The following ABTB1 variants were observed in gnomAD, a reference collection of about 807,000 sequenced individuals.
ABTB1 encodes ankyrin repeat and BTB domain containing 1.
In ABTB1, 45 loss-of-function variants were observed where a neutral mutation model predicts 57.1. The observed-to-expected ratio is 0.79, with a 90% CI of 0.62 to 1.01. The LOEUF (loss-of-function observed/expected upper bound fraction) is 1.01, where lower values mean the gene tolerates loss of function less well. Ranked by LOEUF, ABTB1 falls within the 50% of genes least tolerant of loss-of-function variation. The pLI is 0.00. For synonymous variants in ABTB1, 302 were observed against 275.4 expected (o/e 1.10, Z -0.95); for missense variants, 630 against 666.3 (o/e 0.95, Z 0.60).
At chr3:127,673,791 A>T (rs1426350485) in intron 1 of ABTB1, among the ~76,000 whole-genome samples, 1 of 152,174 alleles carries the variant, frequency 6.6e-6, no homozygotes, top group Non-Finnish European at 1.5e-5. Context: ...CGTGCCACTC[A>T]AGAGTTAGTG....
chr3:127,677,717 G>T lies in ABTB1; in HGVS notation c.903G>T (p.Leu301=), dbSNP rs747571100. The change falls in exon 10 of 12, where the codon CTG becomes CTT. Residue 301 remains leucine (L), a synonymous_variant. Coordinates refer to ENST00000232744, the MANE Select transcript of ABTB1 (RefSeq NM_172027.3). ...GCAGTGACTACTTCCGAGCCCTGCTGGATGACCACTTCCGAGAGAGCGAGG... is the reference window on the plus strand; with the variant it reads ...GCAGTGACTACTTCCGAGCCCTGCTTGATGACCACTTCCGAGAGAGCGAGG... ...CGRSDYFRAL[L]DDHFRESEEP... 3.1e-6 allele frequency: 5 copies of T among 1,609,552 alleles called. No individual in the cohort carries two copies. Among genetic ancestry groups the T allele is most frequent in the Admixed American group, 1.7e-5 (1 of 59,278 alleles).
intron 1 of ABTB1, 151 bp from the exon 2 acceptor site, chr3:127,674,240 T>TC: frequency 7.2e-6 from 7 of 972,096 alleles, no homozygotes; most frequent in African/African-American, 1.6e-5. Flanking sequence ...CTTGAGTGCC[T>TC]CTCCTGCTCT....
At position 127,675,605 on chromosome 3, in the gene ABTB1, C is replaced by G. The variant is rs1209465002; in HGVS notation, c.176-365C>G. The G allele has an allele frequency of 2.4e-5, 6 of 253,886 alleles. No homozygotes were observed. The East Asian group carries it at 4.3e-4, about 18-fold the overall frequency. The allele number at this position is 253,886 out of a possible 1,614,324, so 15.7% of individuals were successfully genotyped here. On this transcript the variant is annotated intron_variant, in intron 3 of 11. Transcript: ENST00000232744. ...TGTTTTTCTTAATAGTCCCTGCCAT[C>G]GTTAGGTAGTGGGTTGATTGTCCTG...
intron 3 of ABTB1, among the ~76,000 whole-genome samples, chr3:127,675,164 T>TC (rs1393256806): frequency 1.3e-5 from 2 of 151,864 alleles, no homozygotes; most frequent in African/African-American, 4.8e-5. Flanking sequence ...CATGGCCCAC[T>TC]CCCCCTTCAT....
chr3:127,675,673 C>G (rs1018755768), intron 3 of ABTB1: 2 of 460,732 alleles, frequency 4.3e-6, no homozygotes, highest in African/African-American at 1.9e-5. Context: ...ACCTGTGTCT[C>G]GTTCACTGCT....
At position 127,676,136 on chromosome 3, in the gene ABTB1, G is replaced by C; in HGVS notation, c.320+22G>C. The C allele has an allele frequency of 6.2e-7, 1 of 1,611,606 alleles. No individual in the cohort carries two copies. The highest frequency in any genetic ancestry group is 8.5e-7 in the Non-Finnish European group (1 of 1,178,748). ...AGCGGTGAGCCAGGGCACACGAGGGGTGCAGCATGGGGTGCGGTGGCCCTG... is the reference window on the plus strand; with the variant it reads ...AGCGGTGAGCCAGGGCACACGAGGGCTGCAGCATGGGGTGCGGTGGCCCTG... On this transcript the variant is annotated intron_variant, in intron 4 of 11. Coordinates refer to ENST00000232744, the MANE Select transcript of ABTB1 (RefSeq NM_172027.3). This position sits in a 1 kb window ranked among gnomAD's most constrained non-coding sequence, Gnocchi z 5.4.
rs2074999029 is a variant in ABTB1 at position 127,677,030 on chromosome 3, T to C, written c.590T>C (p.Leu197Pro). 6.2e-7 allele frequency: 1 copy of C among 1,613,990 alleles called. No homozygotes were observed. The highest frequency in any genetic ancestry group is 1.7e-5 in the Admixed American group (1 of 59,998). ...DCERLAKQCQ[L>P]WDLLSDLEAK... ...GAGCGCCTGGCCAAGCAATGCCAGC[T>C]GTGGGACCTGCTCAGCGACCTGGAG... Residue 197 changes from leucine (L) to proline (P), a missense_variant, in exon 7 of 12, where the codon CTG becomes CCG. Leu to Pro is a moderately conservative substitution (Grantham distance 98). Transcript: ENST00000232744.
Position 127,680,376 on chromosome 3 carries a change from C to T in ABTB1, c.1338C>T (p.His446=), listed in dbSNP as rs987921663. 37 of 1,608,154 alleles carry T rather than the reference C, an allele frequency of 2.3e-5. No individual in the cohort carries two copies. The highest frequency in any genetic ancestry group is 1.7e-4 in the Middle Eastern group (1 of 6,040). ...SIPLVDDIRF[H]VASTVQTYSA... is the part of the protein sequence containing the mutation. Reference sequence around the variant, plus strand: ...CGCTGGTGGACGACATCCGCTTCCACGTGGCCAGCACGGTGCAGACCTACA... The same window carrying T: ...CGCTGGTGGACGACATCCGCTTCCATGTGGCCAGCACGGTGCAGACCTACA... Residue 446 remains histidine (H), a synonymous_variant, in exon 12 of 12, where the codon CAC becomes CAT. Transcript: ENST00000232744.
chr3:127,678,949 G>A (rs2075058603), intron 10 of ABTB1: 1 of 153,208 alleles, frequency 6.5e-6, no homozygotes, highest in African/African-American at 2.4e-5. Flanking sequence ...TATCTCCAGT[G>A]GCAGCTCCCT....
intron 10 of ABTB1, chr3:127,678,173 T>C (rs1559889141): frequency 7.1e-6 from 2 of 279,940 alleles, no homozygotes; most frequent in East Asian, 1.5e-4. Context: ...CCTGGGGTTC[T>C]GGGTTCCCAG....
In ABTB1 at chr3:127,677,755, CAG is replaced by C. The variant is rs1370798434; in HGVS notation, c.942_943del (p.Gly316ProfsTer27). On this transcript the variant is annotated frameshift_variant, in exon 10 of 12. Coordinates refer to ENST00000232744, the MANE Select transcript of ABTB1 (RefSeq NM_172027.3). LOFTEE classifies it high-confidence loss of function. ...CGAGAGAGCGAGGAGCCAGCGACCT[CAG>C]GGGGCCCCCCAGCCGTCACCCTGCA... 3 of 1,611,720 alleles carry C rather than the reference CAG, an allele frequency of 1.9e-6. No individual in the cohort carries two copies. The highest frequency in any genetic ancestry group is 2.5e-6 in the Non-Finnish European group (3 of 1,179,158).
chr3:127,674,483 T>TGGGGGTGGGG (rs2107552093), intron 2 of ABTB1, 30 bp downstream of exon 2: 6 of 471,274 alleles, frequency 1.3e-5, no homozygotes, highest in Admixed American at 2.8e-5. Flanking sequence ...GTGGGGAGGG[T>TGGGGGTGGGG]GGGGGTTGGT....
Position 127,680,156 on chromosome 3 carries a change from A to AAGGC in ABTB1, c.1201_1202insAGGC (p.Thr401LysfsTer3). On this transcript the variant is annotated frameshift_variant, in exon 11 of 12. Transcript: ENST00000232744. LOFTEE classifies it high-confidence loss of function. ...CCTGGCGCGGCTTGAGGACCAGTGC[A>AAGGC]CTGAGTACATGGCCAAGGTCATTGA... The AAGGC allele has an allele frequency of 6.2e-7, 1 of 1,613,918 alleles. No individual in the cohort carries two copies. The highest frequency in any genetic ancestry group is 1.1e-5 in the South Asian group (1 of 91,084).
chr3:127,676,028 T>C lies in ABTB1; in HGVS notation c.234T>C (p.Ser78=), dbSNP rs1043578449. ...DGERCLYGAL[S]DPIRRALRDY... is the part of the protein sequence containing the mutation. ...AGCGCTGCCTCTATGGGGCACTGAG[T>C]GACCCCATCCGCCGGGCTCTACGCG... Residue 78 remains serine (S), a synonymous_variant, in exon 4 of 12, where the codon AGT becomes AGC. Transcript: ENST00000232744. The surrounding 1 kb of genome is among the most constrained non-coding windows in gnomAD (Gnocchi z 5.4). 6.2e-6 allele frequency: 10 copies of C among 1,612,796 alleles called. No individual in the cohort carries two copies. Among genetic ancestry groups the C allele is most frequent in the Non-Finnish European group, 8.5e-6 (10 of 1,179,936 alleles).
At chr3:127,677,620 A>G (rs1307345256) in intron 9 of ABTB1, 56 bp from the exon 10 acceptor site, 3 of 1,612,840 alleles carry the variant, frequency 1.9e-6, no homozygotes, top group Non-Finnish European at 2.5e-6. Context: ...GCCCCCGTCT[A>G]GCTCCTCAGG....
In ABTB1 at chr3:127,674,593, G is replaced by A. The variant is rs2107552273; in HGVS notation, c.168G>A (p.Leu56=). The change falls in exon 3 of 12, where the codon CTG becomes CTA. Residue 56 remains leucine, a synonymous_variant. Transcript: ENST00000232744. ...CGHEELVLYL[L]ANGARCEANT... Reference sequence around the variant, plus strand: ...ACGAGGAGCTGGTACTCTACCTTCTGGCCAATGGTGAGAGCAGGGAGCCCG... The same window carrying A: ...ACGAGGAGCTGGTACTCTACCTTCTAGCCAATGGTGAGAGCAGGGAGCCCG... The A allele has an allele frequency of 6.2e-7, 1 of 1,614,174 alleles. No homozygotes were observed.
rs765482156 is a variant in ABTB1 at position 127,672,975 on chromosome 3, G to T, written c.-51G>T. The T allele has an allele frequency of 2.2e-5, 33 of 1,516,406 alleles. No homozygotes were observed. In the East Asian group the frequency reaches 6.5e-4, roughly 30 times the overall value. The allele number at this position is 1,516,406 out of a possible 1,614,324, so 93.9% of individuals were successfully genotyped here. On this transcript the variant is annotated 5_prime_UTR_variant, in exon 1 of 12. Transcript: ENST00000232744. ...CTGAGCGTGTTTACATCCGCCGGGTGCGCGGCTTCGCCGCCCGAGGTCGTT... is the reference window on the plus strand; with the variant it reads ...CTGAGCGTGTTTACATCCGCCGGGTTCGCGGCTTCGCCGCCCGAGGTCGTT...
rs115820403 is a variant in ABTB1, at chr3:127,673,014, A to G, written c.-12A>G. ...CCCGAGGTCGTTCGGCTCGGGTACC[A>G]TCCTCCGCGCCATGGACACCAGCGA... On this transcript the variant is annotated 5_prime_UTR_variant, in exon 1 of 12. Transcript: ENST00000232744. 9.6e-3 allele frequency: 15,000 copies of G among 1,561,206 alleles called. 1,172 individuals are homozygous for G. In the African/African-American group the frequency reaches 0.18, roughly 19 times the overall value.
chr3:127,679,594 A>T (rs768497781), intron 10 of ABTB1: 1 of 469,314 alleles, frequency 2.1e-6, no homozygotes, highest in Non-Finnish European at 4.2e-6. Flanking sequence ...AGGCATGGTT[A>T]TCTATACCTC....
Sources: gnomAD v4.1 joint callset for allele counts (sites outside exome capture counted in the v4.1 genomes callset) on GRCh38, gnomAD v4.1.1 for gene constraint, Gnocchi (gnomAD v3.1) non-coding constraint, MANE v1.5 for transcripts, NCBI Gene and HGNC (gene_info 2026-07-23, HGNC 2026-07-21) for gene names.